The following GOLIM4 variants were observed in gnomAD, a reference collection of about 807,000 sequenced individuals.
GOLIM4 encodes 130 kDa golgi-localized phosphoprotein.
A neutral mutation model predicts 107.4 loss-of-function variants in GOLIM4; 71 were observed. The ratio of observed to expected loss-of-function variants is 0.66; its 90% CI spans 0.55 to 0.81. The LOEUF is 0.81. Among genes scored for constraint, GOLIM4 ranks in the 30% least tolerant of loss-of-function variants. The pLI is 0.00. For missense variants in GOLIM4, 830 were observed against 826.1 expected (o/e 1.00, Z -0.06); for synonymous variants, 327 against 294.8 (o/e 1.11, Z -1.12).
At chr3:168,074,629 A>C (rs1245246872) in intron 1 of GOLIM4, among the ~76,000 whole-genome samples, 1 of 152,196 alleles carries the variant, frequency 6.6e-6, no homozygotes, top group Non-Finnish European at 1.5e-5. Context: ...TGTTACAAAG[A>C]ATCATCTTTG....
intron 1 of GOLIM4, among the ~76,000 whole-genome samples, chr3:168,050,603 C>T (rs1560090259): frequency 6.6e-6 from 1 of 151,930 alleles, no homozygotes; most frequent in South Asian, 2.1e-4. Flanking sequence ...CTCCCTTCAC[C>T]GCCAATCCAC....
At chr3:168,057,708 ATGAG>A (rs1425833719) in intron 1 of GOLIM4, among the ~76,000 whole-genome samples, 1 of 152,198 alleles carries the variant, frequency 6.6e-6, no homozygotes, top group Admixed American at 6.5e-5. Flanking sequence ...GAATAAATTA[ATGAG>A]TGAGTGAGTG....
intron 3 of GOLIM4, among the ~76,000 whole-genome samples, chr3:168,046,457 A>G (rs891142464): frequency 1.3e-5 from 2 of 152,190 alleles, no homozygotes; most frequent in South Asian, 2.1e-4. Context: ...GGCCTTCCGC[A>G]GTGTCTGTGT....
Position 168,095,363 on chromosome 3 carries a change from C to CACCTACT in GOLIM4, c.-79_-78insAGTAGGT. ...TCCGAGCGAGCGTCTCAGCAGCGGC[C>CACCTACT]GCCGCAGTAGGTGGCCAGACGCAGC... is the stretch of plus-strand genomic sequence containing the variant. On this transcript the variant is annotated 5_prime_UTR_variant, in exon 1 of 16. The change abolishes the stop of an existing upstream ORF in the 5' untranslated region. Coordinates refer to ENST00000470487, the MANE Select transcript of GOLIM4 (RefSeq NM_014498.5). The CACCTACT allele has an allele frequency of 7.7e-7, 1 of 1,290,670 alleles. No individual in the cohort carries two copies. Among genetic ancestry groups the CACCTACT allele is most frequent in the Non-Finnish European group, 1.1e-6 (1 of 921,858 alleles). The allele number at this position is 1,290,670 out of a possible 1,614,324, so 80.0% of individuals were successfully genotyped here. A position where few individuals can be genotyped will look rare whatever the true frequency, so the allele number is the denominator to read the frequency against.
intron 8 of GOLIM4, among the ~76,000 whole-genome samples, chr3:168,033,606 CAAAAAAAAAAAAAAAA>C (rs61728774): frequency 2.6e-3 from 80 of 31,322 alleles, no homozygotes; most frequent in African/African-American, 5.5e-3. Context: ...GACTCCGTCT[CAAAAAAAAAAAAAAAA>C]AAAAAAAAAA....
At chr3:168,028,330 C>T (rs1352411804) in intron 11 of GOLIM4, among the ~76,000 whole-genome samples, 1 of 152,054 alleles carries the variant, frequency 6.6e-6, no homozygotes, top group Non-Finnish European at 1.5e-5. Context: ...TGATGATGAC[C>T]GCCACAGCCC....
chr3:168,067,524 A>AC (rs1475115282), intron 1 of GOLIM4, among the ~76,000 whole-genome samples: 4 of 148,740 alleles, frequency 2.7e-5, no homozygotes, highest in African/African-American at 1.0e-4. Flanking sequence ...AAAAAAAAAA[A>AC]AACACACACA....
At chr3:168,085,177 A>G (rs144365005) in intron 1 of GOLIM4, among the ~76,000 whole-genome samples, 79 of 152,354 alleles carry the variant, frequency 5.2e-4, no homozygotes, top group Non-Finnish European at 9.4e-4. Flanking sequence ...TGAAATTAAG[A>G]AACAGCTTTT....
chr3:168,032,519 C>A lies in GOLIM4; in HGVS notation c.1176+1G>T. On this transcript the variant is annotated splice_donor_variant, in intron 9 of 15. Transcript: ENST00000470487. LOFTEE classifies it high-confidence loss of function. The stretch of plus-strand genomic sequence containing the variant: ...CATACCAGAAGCGGGTGACTTCATA[C>A]CTCAGCACGCGCGTGCCCTTCCAGG... The A allele has an allele frequency of 6.2e-7, 1 of 1,612,034 alleles. No homozygotes were observed. Among genetic ancestry groups the A allele is most frequent in the Non-Finnish European group, 8.5e-7 (1 of 1,178,198 alleles).
At chr3:168,040,752 T>A in intron 7 of GOLIM4, 34 bp downstream of exon 7, 5 of 1,412,980 alleles carry the variant, frequency 3.5e-6, no homozygotes, top group Non-Finnish European at 5.0e-6. Context: ...AGCAGACTTG[T>A]AAAAGAACCC....
chr3:168,017,390 C>T (rs1327505171), intron 14 of GOLIM4, among the ~76,000 whole-genome samples: 2 of 152,108 alleles, frequency 1.3e-5, no homozygotes, highest in Non-Finnish European at 2.9e-5. Context: ...ACTCGGGAGG[C>T]TGAGGCAGAG....
chr3:168,034,190 T>C (rs1718510606), intron 8 of GOLIM4, among the ~76,000 whole-genome samples: 1 of 152,226 alleles, frequency 6.6e-6, no homozygotes. Context: ...TTTGACATAA[T>C]ACTGCCCTGG....
intron 1 of GOLIM4, among the ~76,000 whole-genome samples, chr3:168,082,210 C>T (rs1412345668): frequency 6.6e-6 from 1 of 152,112 alleles, no homozygotes. Flanking sequence ...ACCACCCCCG[C>T]CAAGGATCCC....
intron 2 of GOLIM4, 151 bp downstream of exon 2, chr3:168,048,140 A>G (rs1157318866): frequency 4.6e-6 from 3 of 646,402 alleles, no homozygotes; most frequent in Admixed American, 5.7e-5. Flanking sequence ...AATGCATAAT[A>G]TATTACTTGA....
In GOLIM4 at chr3:168,095,363, C is replaced by CACCTACTGCGGCG; in HGVS notation, c.-79_-78insCGCCGCAGTAGGT. 7.7e-7 allele frequency: 1 copy of CACCTACTGCGGCG among 1,290,654 alleles called. No homozygotes were observed. The highest frequency in any genetic ancestry group is 1.1e-6 in the Non-Finnish European group (1 of 921,846). 80.0% of individuals were successfully genotyped at this position (1,290,654 alleles called of 1,614,324 possible). Reference sequence around the variant, plus strand: ...TCCGAGCGAGCGTCTCAGCAGCGGCCGCCGCAGTAGGTGGCCAGACGCAGC... The same window carrying CACCTACTGCGGCG: ...TCCGAGCGAGCGTCTCAGCAGCGGCCACCTACTGCGGCGGCCGCAGTAGGTGGCCAGACGCAGC... On this transcript the variant is annotated 5_prime_UTR_variant, in exon 1 of 16. It removes the in-frame stop codon of an upstream open reading frame in the 5' UTR. Transcript: ENST00000470487.
rs548294595 is a variant in GOLIM4 at position 168,088,286 on chromosome 3, A to G, written c.187+6813T>C. On this transcript the variant is annotated intron_variant, in intron 1 of 15. Transcript: ENST00000470487. ...GCACATAGTGAAAGGAGCCACTTTT[A>G]GGCCAGCACTAATAACACTCTTACC... Among the ~76,000 whole-genome samples, 3 of 152,314 alleles carry G rather than the reference A, an allele frequency of 2.0e-5. No individual in the cohort carries two copies. The South Asian group carries it at 6.2e-4, about 32-fold the overall frequency.
chr3:168,030,803 G>A lies in GOLIM4; in HGVS notation c.1177-767C>T, dbSNP rs141543527. On this transcript the variant is annotated intron_variant, in intron 9 of 15. Coordinates refer to ENST00000470487, the MANE Select transcript of GOLIM4 (RefSeq NM_014498.5). ...TAGCCAATATGAAAAACAGTATGGA[G>A]GTTCCTCAAAAAGCTAAAAATAGAA... 1.5e-3 allele frequency among the ~76,000 whole-genome samples: 221 copies of A among 152,212 alleles called. 2 individuals carry two copies. The highest frequency in any genetic ancestry group is 5.0e-3 in the African/African-American group (208 of 41,536).
At chr3:168,055,097 G>A (rs1391087122) in intron 1 of GOLIM4, among the ~76,000 whole-genome samples, 2 of 152,118 alleles carry the variant, frequency 1.3e-5, no homozygotes, top group Non-Finnish European at 2.9e-5. Flanking sequence ...TCAGCAGCAT[G>A]AAAACAAACT....
At chr3:168,021,556 C>G (rs1398357849) in intron 14 of GOLIM4, among the ~76,000 whole-genome samples, 1 of 152,058 alleles carries the variant, frequency 6.6e-6, no homozygotes, top group Non-Finnish European at 1.5e-5. Flanking sequence ...ATGCCAGCTA[C>G]TCGGGAGGCT....
Sources: gnomAD v4.1 joint callset for allele counts (sites outside exome capture counted in the v4.1 genomes callset) on GRCh38, gnomAD v4.1.1 for gene constraint, MANE v1.5 for transcripts, NCBI Gene and HGNC (gene_info 2026-07-23, HGNC 2026-07-21) for gene names.